PCDHGA1: variants seen among roughly 807,000 people sequenced by gnomAD.
PCDHGA1 encodes protocadherin gamma-A1.
PCDHGA1 carries 32 observed loss-of-function variants against 58.0 expected under a neutral mutation model. The ratio of observed to expected loss-of-function variants is 0.55; its 90% CI spans 0.42 to 0.74. The LOEUF is 0.74. Ranked by LOEUF, PCDHGA1 falls within the 30% of genes least tolerant of loss-of-function variation. The pLI, the probability that PCDHGA1 is intolerant of heterozygous loss-of-function variation, is 0.00. For missense variants in PCDHGA1, 1,205 were observed against 1,182.3 expected, an observed-to-expected ratio of 1.02 and a Z score of -0.28; for synonymous variants, 498 against 501.1, an observed-to-expected ratio of 0.99 and a Z score of 0.08.
chr5:141,332,781 G>C lies in PCDHGA1; in HGVS notation c.2097G>C (p.Ala699=). The C allele has an allele frequency of 6.2e-7, 1 of 1,614,130 alleles. No homozygotes were observed. Among genetic ancestry groups the C allele is most frequent in the Non-Finnish European group, 8.5e-7 (1 of 1,180,008 alleles). Residue 699 remains alanine (A), a synonymous_variant, in exon 1 of 4, where the codon GCG becomes GCC. Coordinates refer to ENST00000517417, the MANE Select transcript of PCDHGA1 (RefSeq NM_018912.3). The surrounding 1 kb of genome is among the most constrained non-coding windows in gnomAD (Gnocchi z 4.6). ...TGTACCTGGTGGTGGCGGCGGCCGC[G>C]GTCTCCTGCGTCTTCCTGGCCTTCG... ...LTLYLVVAAA[A]VSCVFLAFVI... is the part of the protein sequence containing the mutation.
At chr5:141,429,796 A>C (rs2097245618) in intron 1 of PCDHGA1, among the ~76,000 whole-genome samples, 1 of 152,216 alleles carries the variant, frequency 6.6e-6, no homozygotes, top group Non-Finnish European at 1.5e-5. Flanking sequence ...ATTACCAGTA[A>C]TTCTCAGTAA....
chr5:141,407,949 C>T, intron 1 of PCDHGA1: 1 of 575,256 alleles, frequency 1.7e-6, no homozygotes, highest in Non-Finnish European at 2.8e-6. Context: ...CCGCTGTCGG[C>T]CAGTGCAGAG....
In PCDHGA1 at chr5:141,432,770, G is replaced by A. The variant is rs930442281; in HGVS notation, c.2422-62037G>A. The A allele has an allele frequency of 6.2e-7, 1 of 1,614,128 alleles. No individual in the cohort carries two copies. On this transcript the variant is annotated intron_variant, in intron 1 of 3. Coordinates refer to ENST00000517417, the MANE Select transcript of PCDHGA1 (RefSeq NM_018912.3). This position sits in a 1 kb window ranked among gnomAD's most constrained non-coding sequence, Gnocchi z 6.0. ...GGCCGTGGCCGACAGCATCCCCCAAGTCCTGGCGGACCTCGGCAGCCTCGA... is the reference window on the plus strand; with the variant it reads ...GGCCGTGGCCGACAGCATCCCCCAAATCCTGGCGGACCTCGGCAGCCTCGA...
chr5:141,438,733 C>T (rs2098057443), intron 1 of PCDHGA1, among the ~76,000 whole-genome samples: 1 of 149,042 alleles, frequency 6.7e-6, no homozygotes, highest in Non-Finnish European at 1.5e-5. Context: ...GTGATCTCAG[C>T]TCACTGCAAC....
At chr5:141,441,298 T>C (rs1289976355) in intron 1 of PCDHGA1, 1 of 152,150 alleles carries the variant, frequency 6.6e-6, no homozygotes, top group Non-Finnish European at 1.5e-5. Flanking sequence ...ATGTCTGATA[T>C]AAGAAAATGC....
rs2099605485 is a variant in PCDHGA1 at position 141,485,030 on chromosome 5, G to A, written c.2422-9777G>A. 1 of 674,340 alleles carries A rather than the reference G, an allele frequency of 1.5e-6. No individual in the cohort carries two copies. Among genetic ancestry groups the A allele is most frequent in the East Asian group, 2.6e-5 (1 of 38,292 alleles). The allele number at this position is 674,340 out of a possible 1,614,324, so 41.8% of individuals were successfully genotyped here. A position where few individuals can be genotyped will look rare whatever the true frequency, so the allele number is the denominator to read the frequency against. ...CTACCCCGCCACCAGCAAAAACGGC[G>A]CGTAACCCTTGCGGCGCCGGCCGAA... On this transcript the variant is annotated intron_variant, in intron 1 of 3. Transcript: ENST00000517417. The surrounding 1 kb of genome is among the most constrained non-coding windows in gnomAD (Gnocchi z 5.7).
chr5:141,427,960 G>T (rs759698390), intron 1 of PCDHGA1: 2 of 1,589,168 alleles, frequency 1.3e-6, no homozygotes, highest in Non-Finnish European at 1.7e-6. Context: ...AATGTGCCGC[G>T]GGTGCTGTAC....
chr5:141,332,846 A>C lies in PCDHGA1; in HGVS notation c.2162A>C (p.Lys721Thr), dbSNP rs534899578. 28 of 1,614,210 alleles carry C rather than the reference A, an allele frequency of 1.7e-5. No individual in the cohort carries two copies. In the African/African-American group the frequency reaches 3.3e-4, roughly 19 times the overall value. The change falls in exon 1 of 4, where the codon AAG becomes ACG. Residue 721 changes from lysine (K) to threonine (T), a missense_variant. Coordinates refer to ENST00000517417, the MANE Select transcript of PCDHGA1 (RefSeq NM_018912.3). This position sits in a 1 kb window ranked among gnomAD's most constrained non-coding sequence, Gnocchi z 4.6. Reference sequence around the variant, plus strand: ...GCGCACAGGCTGCGGCGCTGGCACAAGTCACGTCTGCTACAGGCTTCGGGA... The same window carrying C: ...GCGCACAGGCTGCGGCGCTGGCACACGTCACGTCTGCTACAGGCTTCGGGA... ...LLAHRLRRWH[K>T]SRLLQASGGG...
intron 1 of PCDHGA1, chr5:141,372,194 C>T: frequency 6.2e-7 from 1 of 1,613,572 alleles, no homozygotes; most frequent in Non-Finnish European, 8.5e-7. Context: ...ACTCGGGATA[C>T]AACGCCTGGC....
intron 1 of PCDHGA1, among the ~76,000 whole-genome samples, chr5:141,429,387 T>TA (rs11410533): frequency 0.01 from 1,566 of 151,436 alleles, 8 homozygotes; most frequent in Middle Eastern, 0.031. Flanking sequence ...GTTTTTTTTT[T>TA]AAAAAAAATT....
Position 141,431,740 on chromosome 5 carries a change from T to C in PCDHGA1, c.2422-63067T>C. 6.2e-7 allele frequency: 1 copy of C among 1,614,230 alleles called. No individual in the cohort carries two copies. Among genetic ancestry groups the C allele is most frequent in the South Asian group, 1.1e-5 (1 of 91,088 alleles). On this transcript the variant is annotated intron_variant, in intron 1 of 3. Transcript: ENST00000517417. This position sits in a 1 kb window ranked among gnomAD's most constrained non-coding sequence, Gnocchi z 4.8. ...TGCAAGCAATGGATAATGCAGGATA[T>C]TCTGCGCGAGCCAAAGTCCTGATCA... is the stretch of plus-strand genomic sequence containing the variant.
rs190955361 is a variant in PCDHGA1, at chr5:141,486,090, G to A, written c.2422-8717G>A. On this transcript the variant is annotated intron_variant, in intron 1 of 3. Transcript: ENST00000517417. The surrounding 1 kb of genome is among the most constrained non-coding windows in gnomAD (Gnocchi z 5.0). ...ACTACTGGAAAGCTTACTCTTTTGG[G>A]GCCCCTAGACTTTGAGAGTGAGAAT... 3 of 1,614,086 alleles carry A rather than the reference G, an allele frequency of 1.9e-6. No homozygotes were observed. The highest frequency in any genetic ancestry group is 1.6e-4 in the Middle Eastern group (1 of 6,062).
Position 141,360,906 on chromosome 5 carries a change from G to C in PCDHGA1, c.2421+27801G>C, listed in dbSNP as rs781720353. On this transcript the variant is annotated intron_variant, in intron 1 of 3. Transcript: ENST00000517417. ...TCACCCTGAGGGAGGACGTGCCGCC[G>C]GGCTTCTTTGTGCTTCAAGTGACAG... 3.1e-6 allele frequency: 5 copies of C among 1,613,894 alleles called. No homozygotes were observed. In the African/African-American group the frequency reaches 6.7e-5, roughly 22 times the overall value.
chr5:141,445,388 A>G (rs2098465525), intron 1 of PCDHGA1, among the ~76,000 whole-genome samples: 2 of 152,212 alleles, frequency 1.3e-5, no homozygotes, highest in African/African-American at 4.8e-5. Flanking sequence ...TCATTCATTT[A>G]CATAACAAAT....
At chr5:141,428,312 C>A in intron 1 of PCDHGA1, 1 of 671,484 alleles carries the variant, frequency 1.5e-6, no homozygotes, top group Non-Finnish European at 2.7e-6. Flanking sequence ...CTGGTCGTGG[C>A]CTTGGCCTTG....
At position 141,486,653 on chromosome 5, in the gene PCDHGA1, C is replaced by A; in HGVS notation, c.2422-8154C>A. 1 of 1,613,968 alleles carries A rather than the reference C, an allele frequency of 6.2e-7. No homozygotes were observed. Among genetic ancestry groups the A allele is most frequent in the Non-Finnish European group, 8.5e-7 (1 of 1,180,034 alleles). On this transcript the variant is annotated intron_variant, in intron 1 of 3. Coordinates refer to ENST00000517417, the MANE Select transcript of PCDHGA1 (RefSeq NM_018912.3). This position sits in a 1 kb window ranked among gnomAD's most constrained non-coding sequence, Gnocchi z 5.0. ...CTTGAATGCGCTTATCTCCTACTCA[C>A]TCCTGGAGCCCAGGAATCGAGATGT... is the stretch of plus-strand genomic sequence containing the variant.
chr5:141,460,511 A>G (rs533913282), intron 1 of PCDHGA1, among the ~76,000 whole-genome samples: 2 of 152,286 alleles, frequency 1.3e-5, no homozygotes, highest in Admixed American at 1.3e-4. Context: ...TGAGAAGGCT[A>G]TCTTTTCCCC....
In PCDHGA1 at chr5:141,375,801, C is replaced by T; in HGVS notation, c.2421+42696C>T. ...CCCGCCCTCCCCACAGACGGTTCCA[C>T]TGGCGTGGAGCTGGCGCCCCGCTCC... On this transcript the variant is annotated intron_variant, in intron 1 of 3. Transcript: ENST00000517417. The T allele has an allele frequency of 2.5e-6, 4 of 1,614,248 alleles. No homozygotes were observed. The East Asian group carries it at 8.9e-5, about 36-fold the overall frequency.
At chr5:141,420,216 T>C in intron 1 of PCDHGA1, 1 of 1,609,316 alleles carries the variant, frequency 6.2e-7, no homozygotes, top group African/African-American at 1.3e-5. Context: ...AAAGATAGCA[T>C]GCTACTGGCT....
Sources: allele counts gnomAD v4.1 joint callset (sites outside exome capture counted in the v4.1 genomes callset), GRCh38; gene constraint gnomAD v4.1.1; non-coding constraint Gnocchi (gnomAD v3.1); transcripts MANE v1.5; gene names NCBI Gene and HGNC (gene_info 2026-07-23, HGNC 2026-07-21).